Variants in OPCML observed in about 807,000 individuals in gnomAD.
OPCML encodes opioid binding protein/cell adhesion molecule like.
Under a neutral mutation model 37.8 loss-of-function variants are expected in OPCML, and 13 were observed. The ratio of observed to expected loss-of-function variants is 0.34; its 90% CI spans 0.22 to 0.55. The LOEUF is 0.55. OPCML is among the 20% of genes least tolerant of loss of function. The pLI is 0.91. For missense variants in OPCML, 341 were observed against 435.6 expected, an observed-to-expected ratio of 0.78 and a Z score of 1.93; for synonymous variants, 176 against 168.8, an observed-to-expected ratio of 1.04 and a Z score of -0.33.
chr11:132,547,758 C>A (rs1199202659), intron 3 of OPCML, among the ~76,000 whole-genome samples: 1 of 152,040 alleles, frequency 6.6e-6, no homozygotes, highest in Non-Finnish European at 1.5e-5. Flanking sequence ...AAAAAAAAGT[C>A]TCCATCAAGA....
At chr11:132,499,035 CTG>C (rs2096240025) in intron 4 of OPCML, among the ~76,000 whole-genome samples, 1 of 152,232 alleles carries the variant, frequency 6.6e-6, no homozygotes, top group South Asian at 2.1e-4. Flanking sequence ...TCTCAGAATT[CTG>C]TGAGTGTGCT....
chr11:133,358,072 A>G (rs1290716939), intron 1 of OPCML, among the ~76,000 whole-genome samples: 1 of 152,184 alleles, frequency 6.6e-6, no homozygotes, highest in Non-Finnish European at 1.5e-5. Flanking sequence ...TAACAGCAAT[A>G]TCGTCTTCAT....
chr11:132,527,480 A>G (rs2096311559), intron 4 of OPCML, among the ~76,000 whole-genome samples: 1 of 151,890 alleles, frequency 6.6e-6, no homozygotes, highest in Non-Finnish European at 1.5e-5. Flanking sequence ...TATGATGAAG[A>G]TGTTAGTCAT....
chr11:133,273,777 C>T (rs1461376967), intron 1 of OPCML, among the ~76,000 whole-genome samples: 1 of 152,034 alleles, frequency 6.6e-6, no homozygotes, highest in Non-Finnish European at 1.5e-5. Flanking sequence ...TGGTTGACTG[C>T]TTTAAGAGGG....
chr11:132,804,019 G>T (rs1217054066), intron 2 of OPCML, among the ~76,000 whole-genome samples: 1 of 152,148 alleles, frequency 6.6e-6, no homozygotes, highest in East Asian at 1.9e-4. Context: ...AGCCACAATG[G>T]AGTAACTGTA....
intron 3 of OPCML, among the ~76,000 whole-genome samples, chr11:132,647,201 G>C (rs1010018992): frequency 2.0e-5 from 3 of 152,212 alleles, no homozygotes; most frequent in Admixed American, 1.3e-4. Flanking sequence ...ACTGTCAACG[G>C]AAGTGAGTTT....
At chr11:133,045,407 C>A (rs1947988069) in intron 1 of OPCML, among the ~76,000 whole-genome samples, 1 of 152,192 alleles carries the variant, frequency 6.6e-6, no homozygotes. Flanking sequence ...CCCGGAGGGA[C>A]AGTCACAGAT....
chr11:133,131,861 G>GA (rs1301772796), intron 1 of OPCML, among the ~76,000 whole-genome samples: 4 of 152,054 alleles, frequency 2.6e-5, no homozygotes, highest in African/African-American at 9.7e-5. Context: ...ATTCAGTGGA[G>GA]AAAAAATAGT....
chr11:133,403,693 A>G (rs1945460324), intron 1 of OPCML, among the ~76,000 whole-genome samples: 1 of 152,228 alleles, frequency 6.6e-6, no homozygotes, highest in Admixed American at 6.5e-5. Flanking sequence ...TACATGTTAT[A>G]TCAAAATTGA....
chr11:133,311,150 T>C (rs1342689321), intron 1 of OPCML, among the ~76,000 whole-genome samples: 1 of 152,220 alleles, frequency 6.6e-6, no homozygotes, highest in Non-Finnish European at 1.5e-5. Flanking sequence ...CCTTTCAGCT[T>C]TCTTTTCTCA....
At chr11:132,538,896 C>A (rs961225823) in intron 3 of OPCML, among the ~76,000 whole-genome samples, 1 of 152,172 alleles carries the variant, frequency 6.6e-6, no homozygotes, top group African/African-American at 2.4e-5. Flanking sequence ...CCATATTCCC[C>A]ATTCATCCAT....
At chr11:132,873,158 A>G (rs1212286029) in intron 2 of OPCML, among the ~76,000 whole-genome samples, 1 of 152,182 alleles carries the variant, frequency 6.6e-6, no homozygotes, top group Non-Finnish European at 1.5e-5. Flanking sequence ...AGGAGTGGTT[A>G]AAAGTCAACC....
intron 1 of OPCML, among the ~76,000 whole-genome samples, chr11:133,125,990 GTA>G (rs935143381): frequency 6.9e-6 from 1 of 144,936 alleles, no homozygotes; most frequent in African/African-American, 2.6e-5. Context: ...ATAGACACAC[GTA>G]TATATACATG....
At chr11:132,506,986 C>G (rs2096258433) in intron 4 of OPCML, among the ~76,000 whole-genome samples, 1 of 151,702 alleles carries the variant, frequency 6.6e-6, no homozygotes, top group Non-Finnish European at 1.5e-5. Context: ...ATATCTAAAT[C>G]AGACTAATAC....
intron 4 of OPCML, among the ~76,000 whole-genome samples, chr11:132,523,215 C>T (rs1354295071): frequency 1.3e-5 from 2 of 152,228 alleles, no homozygotes; most frequent in Non-Finnish European, 2.9e-5. Flanking sequence ...CTGATCAGTA[C>T]ATTTCTAACC....
intron 1 of OPCML, among the ~76,000 whole-genome samples, chr11:133,332,368 G>T (rs1051841137): frequency 6.6e-6 from 1 of 152,102 alleles, no homozygotes; most frequent in Admixed American, 6.5e-5. Flanking sequence ...GATGTCATCT[G>T]GAACAGAGAT....
chr11:132,419,839 C>A lies in OPCML; in HGVS notation c.*354G>T. 4.6e-6 allele frequency: 1 copy of A among 215,324 alleles called. No individual in the cohort carries two copies. The highest frequency in any genetic ancestry group is 1.0e-4 in the South Asian group (1 of 9,564). 13.3% of individuals were successfully genotyped at this position (215,324 alleles called of 1,614,324 possible). A position where few individuals can be genotyped will look rare whatever the true frequency, so the allele number is the denominator to read the frequency against. ...TGTTTATTGTGAGGCTCAATTTTTG[C>A]CCAAATGAAACTTACGTTTTGTTGT... On this transcript the variant is annotated 3_prime_UTR_variant, in exon 8 of 8. Coordinates refer to ENST00000524381, the MANE Select transcript of OPCML (RefSeq NM_001012393.5).
intron 2 of OPCML, among the ~76,000 whole-genome samples, chr11:132,899,043 G>C (rs964627572): frequency 6.6e-6 from 1 of 152,122 alleles, no homozygotes; most frequent in Non-Finnish European, 1.5e-5. Context: ...CAAGGTCAAT[G>C]GGAAACTACC....
chr11:132,556,051 GC>G (rs1337545839), intron 3 of OPCML, among the ~76,000 whole-genome samples: 3 of 151,992 alleles, frequency 2.0e-5, no homozygotes, highest in Non-Finnish European at 4.4e-5. Flanking sequence ...TAATCCTCCT[GC>G]CTCAGCCTCT....
Sources: allele counts gnomAD v4.1 joint callset (sites outside exome capture counted in the v4.1 genomes callset), GRCh38; gene constraint gnomAD v4.1.1; transcripts MANE v1.5; gene names NCBI Gene and HGNC (gene_info 2026-07-23, HGNC 2026-07-21).